DDX50: variants seen among roughly 807,000 people sequenced by gnomAD.
DDX50 encodes the protein ATP-dependent RNA helicase DDX50.
DDX50 carries 56 observed loss-of-function variants against 94.8 expected under a neutral mutation model. The ratio of observed to expected loss-of-function variants is 0.59; its 90% confidence interval spans 0.48 to 0.74. The LOEUF (loss-of-function observed/expected upper bound fraction) is 0.74. DDX50 is among the 30% of genes least tolerant of loss of function. The pLI, the probability that DDX50 is intolerant of heterozygous loss-of-function variation, is 0.00. For missense variants in DDX50, 713 were observed against 881.2 expected, an observed-to-expected ratio of 0.81 and a Z score of 2.42; for synonymous variants, 264 against 295.4, an observed-to-expected ratio of 0.89 and a Z score of 1.09.
chr10:68,923,369 C>G (rs991812576), intron 8 of DDX50, among the ~76,000 whole-genome samples: 1 of 150,098 alleles, frequency 6.7e-6, no homozygotes, highest in Non-Finnish European at 1.5e-5. Flanking sequence ...TGCTACCATG[C>G]CTGGCTAAGT....
chr10:68,942,891 G>A (rs1274359014), intron 13 of DDX50, among the ~76,000 whole-genome samples: 1 of 152,100 alleles, frequency 6.6e-6, no homozygotes, highest in East Asian at 1.9e-4. Flanking sequence ...AAAGTGCTGG[G>A]ATTACAGGCA....
Position 68,910,352 on chromosome 10 carries a change from A to G in DDX50, c.430A>G (p.Ile144Val), listed in dbSNP as rs370670333. 6 of 1,605,828 alleles carry G rather than the reference A, an allele frequency of 3.7e-6. No homozygotes were observed. The highest frequency in any genetic ancestry group is 5.1e-6 in the Non-Finnish European group (6 of 1,178,096). ...QKEGAFSNFP[I>V]SEETIKLLKG... ...AGAAGGAGCCTTCTCCAATTTTCCTATTTCTGAAGAGACTATAAAGCTTCT... is the reference window on the plus strand; with the variant it reads ...AGAAGGAGCCTTCTCCAATTTTCCTGTTTCTGAAGAGACTATAAAGCTTCT... Residue 144 changes from isoleucine (I) to valine (V), a missense_variant, in exon 3 of 15, where the codon ATT becomes GTT. Around this residue, in one of 2 missense-constraint regions of DDX50, gnomAD observed 285 missense variants for 278.9 expected, o/e 1.02. Coordinates refer to ENST00000373585, the MANE Select transcript of DDX50 (RefSeq NM_024045.2).
intron 14 of DDX50, among the ~76,000 whole-genome samples, chr10:68,945,276 A>G (rs908874935): frequency 2.0e-5 from 3 of 151,624 alleles, no homozygotes; most frequent in Admixed American, 2.0e-4. Flanking sequence ...GGAAAGAAAG[A>G]TAGCCTTAGC....
chr10:68,907,052 TA>T lies in DDX50; in HGVS notation c.384+46del, dbSNP rs763211482. ...TGCATTTGACATTGTTGTTGAACTA[TA>T]GGTTGATTTGAATTTTTTTAGGCTA... On this transcript the variant is annotated intron_variant, in intron 2 of 14. Coordinates refer to ENST00000373585, the MANE Select transcript of DDX50 (RefSeq NM_024045.2). The T allele has an allele frequency of 7.8e-6, 12 of 1,536,816 alleles. No individual in the cohort carries two copies. In the African/African-American group the frequency reaches 1.7e-4, roughly 21 times the overall value.
At chr10:68,928,249 G>A (rs920511821) in intron 8 of DDX50, among the ~76,000 whole-genome samples, 3 of 152,126 alleles carry the variant, frequency 2.0e-5, no homozygotes, top group Non-Finnish European at 4.4e-5. Flanking sequence ...CTAGGAGGTC[G>A]AGGCTACAGT....
At position 68,931,432 on chromosome 10, in the gene DDX50, A is replaced by ACACACACACACACACACACACACAC. The variant is rs1261998646; in HGVS notation, c.1240-2767_1240-2766insCACACACACACACACACACACACAC. On this transcript the variant is annotated intron_variant, in intron 8 of 14. Coordinates refer to ENST00000373585, the MANE Select transcript of DDX50 (RefSeq NM_024045.2). ...ATATGTATATATATATATATACACA[A>ACACACACACACACACACACACACAC]ACACACACACACACAATTTTTTTTT... Among the ~76,000 whole-genome samples the ACACACACACACACACACACACACAC allele has an allele frequency of 1.3e-3, 79 of 61,448 alleles. 2 individuals are homozygous for ACACACACACACACACACACACACAC. The highest frequency in any genetic ancestry group is 5.1e-3 in the African/African-American group (73 of 14,316). The allele number at this position is 61,448 out of a possible 152,430, so 40.3% of individuals were successfully genotyped here.
rs1202193785 is a variant in DDX50 at position 68,911,211 on chromosome 10, A to G, written c.604A>G (p.Asn202Asp). The change falls in exon 4 of 15, where the codon AAT becomes GAT. Residue 202 changes from asparagine (N) to aspartate (D), a missense_variant. Transcript: ENST00000373585. ...AIPLIERLQR[N>D]QETIKKSRSP... ...CCCCTTAATTGAAAGACTCCAAAGA[A>G]ATCAAGAAACAATTAAAAAAAGCCG... 3 of 1,605,202 alleles carry G rather than the reference A, an allele frequency of 1.9e-6. No individual in the cohort carries two copies. The highest frequency in any genetic ancestry group is 4.5e-5 in the East Asian group (2 of 44,802).
chr10:68,923,752 C>T (rs1214100856), intron 8 of DDX50, among the ~76,000 whole-genome samples: 3 of 151,874 alleles, frequency 2.0e-5, no homozygotes, highest in African/African-American at 7.2e-5. Context: ...CCATGTTGGG[C>T]AGGCTGGTCT....
chr10:68,917,375 G>A (rs1191060431), intron 7 of DDX50, among the ~76,000 whole-genome samples: 3 of 152,018 alleles, frequency 2.0e-5, no homozygotes, highest in Non-Finnish European at 4.4e-5. Flanking sequence ...AAGAAGAATC[G>A]CTTGAACCAG....
At chr10:68,916,351 C>T (rs1185267969) in intron 7 of DDX50, among the ~76,000 whole-genome samples, 1 of 24,030 alleles carries the variant, frequency 4.2e-5, no homozygotes, top group Non-Finnish European at 6.8e-5. Context: ...GAGACTCTGT[C>T]TCAAAAAAAA....
At position 68,909,170 on chromosome 10, in the gene DDX50, C is replaced by T. The variant is rs78519045; in HGVS notation, c.385-1137C>T. ...AATTTTTTTTATCATAAAAAGGTAA[C>T]AGCAGCATTGAAGTTTGTTTAAATG... On this transcript the variant is annotated intron_variant, in intron 2 of 14. Coordinates refer to ENST00000373585, the MANE Select transcript of DDX50 (RefSeq NM_024045.2). Among the ~76,000 whole-genome samples the T allele has an allele frequency of 3.9e-5, 6 of 152,166 alleles. No individual in the cohort carries two copies. The East Asian group carries it at 5.8e-4, about 15-fold the overall frequency.
intron 8 of DDX50, among the ~76,000 whole-genome samples, chr10:68,927,325 G>A (rs1461299466): frequency 6.6e-6 from 1 of 151,960 alleles, no homozygotes; most frequent in Non-Finnish European, 1.5e-5. Flanking sequence ...CTTAACTTGG[G>A]TTATATGATA....
intron 1 of DDX50, 83 bp downstream of exon 1, chr10:68,901,554 T>G: frequency 7.1e-7 from 1 of 1,402,162 alleles, no homozygotes; most frequent in Non-Finnish European, 9.7e-7. Flanking sequence ...GATGATGGCC[T>G]GTCAGAACCG....
intron 8 of DDX50, among the ~76,000 whole-genome samples, chr10:68,925,398 C>T (rs1179452198): frequency 6.6e-6 from 1 of 152,058 alleles, no homozygotes; most frequent in African/African-American, 2.4e-5. Flanking sequence ...GCATGAGCCA[C>T]CGCGCCCAGC....
chr10:68,926,276 T>C (rs2132044450), intron 8 of DDX50, among the ~76,000 whole-genome samples: 1 of 150,182 alleles, frequency 6.7e-6, no homozygotes, highest in South Asian at 2.1e-4. Flanking sequence ...GATTTACCTT[T>C]CTTTTCGTTG....
intron 10 of DDX50, 76 bp from the exon 11 acceptor site, chr10:68,935,930 G>A (rs887994942): frequency 1.2e-5 from 11 of 951,394 alleles, no homozygotes; most frequent in South Asian, 4.7e-5. Context: ...GAAATTCAAC[G>A]AACTATTAAA....
intron 1 of DDX50, 86 bp downstream of exon 1, chr10:68,901,557 CAG>C: frequency 7.2e-7 from 1 of 1,390,372 alleles, no homozygotes; most frequent in Non-Finnish European, 9.7e-7. Context: ...GATGGCCTGT[CAG>C]AACCGGGCCG....
chr10:68,923,027 G>A (rs1841982355), intron 8 of DDX50, among the ~76,000 whole-genome samples: 1 of 145,304 alleles, frequency 6.9e-6, no homozygotes, highest in Non-Finnish European at 1.5e-5. Context: ...TTGACCTCGT[G>A]ATCTGCCCGC....
At chr10:68,906,638 A>G (rs536473931) in intron 1 of DDX50, 73 bp from the exon 2 acceptor site, 1 of 1,527,096 alleles carries the variant, frequency 6.5e-7, no homozygotes, top group South Asian at 1.2e-5. Context: ...TGGGGGAGTC[A>G]TGCTCTAACT....
Sources: gnomAD v4.1 joint callset for allele counts (sites outside exome capture counted in the v4.1 genomes callset) on GRCh38, gnomAD v4.1.1 for gene constraint, gnomAD v4.1.1 regional missense constraint, MANE v1.5 for transcripts, NCBI Gene and HGNC (gene_info 2026-07-23, HGNC 2026-07-21) for gene names.